The following RASGEF1A variants were observed in gnomAD, a reference collection of about 807,000 sequenced individuals.
The protein encoded by RASGEF1A is ras-GEF domain-containing family member 1A.
In RASGEF1A, 18 loss-of-function variants were observed where a neutral mutation model predicts 56.4. The observed-to-expected ratio is 0.32, with a 90% confidence interval of 0.22 to 0.47. RASGEF1A has a LOEUF of 0.47. Ranked by LOEUF, RASGEF1A falls within the 20% of genes least tolerant of loss-of-function variation. The pLI is 1.00. For missense variants in RASGEF1A, 422 were observed against 627.1 expected (o/e 0.67, Z 3.49); for synonymous variants, 245 against 242.6 (o/e 1.01, Z -0.09).
chr10:43,197,331 A>G (rs2133176093), intron 10 of RASGEF1A, among the ~76,000 whole-genome samples: 1 of 152,328 alleles, frequency 6.6e-6, no homozygotes, highest in Non-Finnish European at 1.5e-5. Flanking sequence ...CTGGGCCATC[A>G]GGCCGGCAGC....
At chr10:43,236,680 A>G (rs1318525590) in intron 1 of RASGEF1A, among the ~76,000 whole-genome samples, 1 of 152,220 alleles carries the variant, frequency 6.6e-6, no homozygotes, top group African/African-American at 2.4e-5. Flanking sequence ...ATAACACAGT[A>G]CGTGCTCATC....
In RASGEF1A at chr10:43,202,331, G is replaced by C. The variant is rs79455095; in HGVS notation, c.322-386C>G. Among the ~76,000 whole-genome samples the C allele has an allele frequency of 8.5e-3, 1,291 of 152,300 alleles. 53 individuals carry two copies. In the East Asian group the frequency reaches 0.096, roughly 11 times the overall value. On this transcript the variant is annotated intron_variant, in intron 3 of 12. Coordinates refer to ENST00000395810, the MANE Select transcript of RASGEF1A (RefSeq NM_145313.4). ...GTCTGCCCCCTGTGGTTGAAAGGGC[G>C]ACAGCGCTGAAAGGGGTGTGACCCC...
intron 1 of RASGEF1A, among the ~76,000 whole-genome samples, chr10:43,221,732 G>A (rs1372772622): frequency 1.3e-5 from 2 of 152,246 alleles, no homozygotes; most frequent in Non-Finnish European, 2.9e-5. Flanking sequence ...CTGCATTCTA[G>A]CCCCTGCAAA....
intron 1 of RASGEF1A, among the ~76,000 whole-genome samples, chr10:43,264,758 C>T (rs1410023126): frequency 6.6e-6 from 1 of 151,884 alleles, no homozygotes; most frequent in Non-Finnish European, 1.5e-5. Context: ...CCCCAGCAGC[C>T]CAGCGCCCCT....
rs545474807 is a variant in RASGEF1A, at chr10:43,212,038, C to T, written c.-6-5916G>A. Among the ~76,000 whole-genome samples the T allele has an allele frequency of 8.5e-5, 13 of 152,314 alleles. No homozygotes were observed. In the South Asian group the frequency reaches 2.5e-3, roughly 29 times the overall value. The stretch of plus-strand genomic sequence containing the variant: ...AGTGGCCCAGTGCTGGGTGCCACTG[C>T]TTCTGACCTGTGGCCTCTGACCTAG... On this transcript the variant is annotated intron_variant, in intron 1 of 12. Coordinates refer to ENST00000395810, the MANE Select transcript of RASGEF1A (RefSeq NM_145313.4).
chr10:43,219,173 T>TC (rs1464839068), intron 1 of RASGEF1A, among the ~76,000 whole-genome samples: 2 of 152,020 alleles, frequency 1.3e-5, no homozygotes, highest in Admixed American at 1.3e-4. Context: ...GGAGCCCTGC[T>TC]CCCCCCTCCC....
intron 1 of RASGEF1A, chr10:43,229,709 G>A (rs1190782386): frequency 4.9e-6 from 7 of 1,420,250 alleles, no homozygotes; most frequent in East Asian, 3.0e-5. Context: ...AGCGAGCGGC[G>A]GCTCCTCTGC....
At chr10:43,220,796 AG>A (rs1554826921) in intron 1 of RASGEF1A, among the ~76,000 whole-genome samples, 23 of 148,404 alleles carry the variant, frequency 1.5e-4, no homozygotes, top group East Asian at 1.4e-3. Context: ...AAAAAAAAAA[AG>A]GGGGGGGAGT....
rs761164634 is a variant in RASGEF1A at position 43,200,635 on chromosome 10, C to A, written c.681+32G>T. 6.3e-6 allele frequency: 10 copies of A among 1,576,158 alleles called. No individual in the cohort carries two copies. The South Asian group carries it at 1.1e-4, about 17-fold the overall frequency. ...AGAGGCACTGTGGTCCCACAGCCCC[C>A]ACCCCCAGTCAGGGCATAAGGCAGC... On this transcript the variant is annotated intron_variant, in intron 5 of 12. Transcript: ENST00000395810.
chr10:43,211,885 C>T (rs1240274129), intron 1 of RASGEF1A, among the ~76,000 whole-genome samples: 1 of 152,182 alleles, frequency 6.6e-6, no homozygotes, highest in African/African-American at 2.4e-5. Flanking sequence ...AATGTCTTGT[C>T]CCACCTCCCT....
intron 3 of RASGEF1A, chr10:43,202,517 C>A (rs141519061): frequency 2.2e-6 from 1 of 448,572 alleles, no homozygotes; most frequent in Non-Finnish European, 4.5e-6. Context: ...GGGACTGTGC[C>A]CGATGCTCAG....
intron 1 of RASGEF1A, among the ~76,000 whole-genome samples, chr10:43,210,516 A>G (rs976386577): frequency 7.2e-5 from 11 of 152,206 alleles, no homozygotes; most frequent in African/African-American, 2.4e-4. Context: ...CAGCTGTAGT[A>G]TGTGCACACC....
chr10:43,266,814 G>A (rs1244389641), intron 1 of RASGEF1A, 31 bp downstream of exon 1: 1 of 145,870 alleles, frequency 6.9e-6, no homozygotes, highest in Admixed American at 6.8e-5. Flanking sequence ...CGGGGGCCCC[G>A]AGGCACTGAG....
chr10:43,235,161 G>C (rs1171664723), intron 1 of RASGEF1A, among the ~76,000 whole-genome samples: 3 of 152,210 alleles, frequency 2.0e-5, no homozygotes, highest in African/African-American at 7.2e-5. Flanking sequence ...ATGGCTTTAG[G>C]CATAAAGCGT....
At chr10:43,221,195 G>A (rs184380612) in intron 1 of RASGEF1A, among the ~76,000 whole-genome samples, 77 of 152,268 alleles carry the variant, frequency 5.1e-4, no homozygotes, top group African/African-American at 1.7e-3. Context: ...CCCATCCCCC[G>A]ACACTGTGGT....
intron 1 of RASGEF1A, among the ~76,000 whole-genome samples, chr10:43,240,458 T>A (rs1012995118): frequency 6.6e-6 from 1 of 152,198 alleles, no homozygotes; most frequent in African/African-American, 2.4e-5. Context: ...AAGGAATTGA[T>A]GTTTAAAGAA....
chr10:43,210,401 G>C (rs1488951702), intron 1 of RASGEF1A, among the ~76,000 whole-genome samples: 2 of 152,204 alleles, frequency 1.3e-5, no homozygotes, highest in African/African-American at 4.8e-5. Context: ...TTGAGCCCAG[G>C]AGGTTGAGGC....
intron 1 of RASGEF1A, among the ~76,000 whole-genome samples, chr10:43,239,472 T>C (rs576802148): frequency 6.6e-6 from 1 of 152,312 alleles, no homozygotes; most frequent in South Asian, 2.1e-4. Context: ...AGAATCCACA[T>C]TTTTAGAACT....
At chr10:43,249,525 T>C (rs1484955718) in intron 1 of RASGEF1A, among the ~76,000 whole-genome samples, 1 of 152,214 alleles carries the variant, frequency 6.6e-6, no homozygotes, top group Non-Finnish European at 1.5e-5. Flanking sequence ...TCACCCTCTC[T>C]CCCCATTGCT....
Sources: allele counts gnomAD v4.1 joint callset (sites outside exome capture counted in the v4.1 genomes callset), GRCh38; gene constraint gnomAD v4.1.1; transcripts MANE v1.5; gene names NCBI Gene and HGNC (gene_info 2026-07-23, HGNC 2026-07-21).